The following MSRA variants were observed in gnomAD, a reference collection of about 807,000 sequenced individuals.
MSRA encodes the protein mitochondrial peptide methionine sulfoxide reductase.
Under a neutral mutation model 31.3 loss-of-function variants are expected in MSRA, and 54 were observed. The ratio of observed to expected loss-of-function variants is 1.73; its 90% CI spans 1.39 to 2.17. The LOEUF is 2.17. Ranked by LOEUF, MSRA falls within the 30% of genes most tolerant of loss-of-function variation. The pLI is 0.00. For synonymous variants in MSRA, 169 were observed against 116.5 expected (o/e 1.45, Z -2.90); for missense variants, 507 against 300.9 (o/e 1.69, Z -5.07).
chr8:10,082,075 G>A (rs1798324278), intron 1 of MSRA, among the ~76,000 whole-genome samples: 1 of 152,014 alleles, frequency 6.6e-6, no homozygotes, highest in Non-Finnish European at 1.5e-5. Flanking sequence ...GTGTGGTGGT[G>A]TGCACCCGTA....
intron 5 of MSRA, among the ~76,000 whole-genome samples, chr8:10,406,506 G>T (rs1807826284): frequency 6.6e-6 from 1 of 152,142 alleles, no homozygotes; most frequent in Non-Finnish European, 1.5e-5. Context: ...TGGGTGTTGG[G>T]GATGTTCAAG....
chr8:10,150,512 C>G (rs1449744369), intron 1 of MSRA, among the ~76,000 whole-genome samples: 1 of 152,060 alleles, frequency 6.6e-6, no homozygotes, highest in Non-Finnish European at 1.5e-5. Flanking sequence ...AAAATGCAAC[C>G]ATGTAATCAA....
intron 1 of MSRA, among the ~76,000 whole-genome samples, chr8:10,065,042 C>A (rs1237223810): frequency 6.6e-6 from 1 of 152,074 alleles, no homozygotes; most frequent in East Asian, 1.9e-4. Flanking sequence ...TTGCTGAAAA[C>A]TCCATTGCCT....
intron 3 of MSRA, among the ~76,000 whole-genome samples, chr8:10,260,904 T>C (rs1417977431): frequency 6.6e-6 from 1 of 152,228 alleles, no homozygotes; most frequent in Non-Finnish European, 1.5e-5. Flanking sequence ...ATTTGATAGA[T>C]ATTCAAAATA....
At chr8:10,401,943 G>A (rs547338905) in intron 5 of MSRA, among the ~76,000 whole-genome samples, 33 of 152,222 alleles carry the variant, frequency 2.2e-4, no homozygotes, top group Middle Eastern at 6.8e-3. Flanking sequence ...AATTTCTGTC[G>A]GATGATGACA....
chr8:10,357,545 T>A (rs891845690), intron 5 of MSRA, among the ~76,000 whole-genome samples: 1 of 152,220 alleles, frequency 6.6e-6, no homozygotes, highest in Non-Finnish European at 1.5e-5. Flanking sequence ...TCCTTCACAT[T>A]GGCTCTGGGG....
intron 1 of MSRA, among the ~76,000 whole-genome samples, chr8:10,143,595 T>C (rs1384307609): frequency 6.6e-6 from 1 of 152,166 alleles, no homozygotes; most frequent in African/African-American, 2.4e-5. Context: ...TCGCTCCCTG[T>C]CATTTTCCCC....
chr8:10,154,240 G>A (rs906558062), intron 1 of MSRA, among the ~76,000 whole-genome samples: 17 of 151,982 alleles, frequency 1.1e-4, no homozygotes, highest in African/African-American at 3.4e-4. Flanking sequence ...CGGAAGAGTA[G>A]CCATCAAAAA....
intron 5 of MSRA, among the ~76,000 whole-genome samples, chr8:10,348,841 G>T (rs533080194): frequency 7.2e-4 from 110 of 152,294 alleles, no homozygotes; most frequent in Middle Eastern, 3.4e-3. Context: ...AGAAGGCTTG[G>T]GGGGGACAAG....
chr8:10,408,620 T>G (rs1338779181), intron 5 of MSRA, among the ~76,000 whole-genome samples: 1 of 152,230 alleles, frequency 6.6e-6, no homozygotes, highest in Non-Finnish European at 1.5e-5. Flanking sequence ...GGGGCACAAG[T>G]ACAGTTCTGT....
intron 2 of MSRA, among the ~76,000 whole-genome samples, chr8:10,217,808 CT>C (rs1289784430): frequency 7.9e-5 from 12 of 151,618 alleles, no homozygotes; most frequent in African/African-American, 2.9e-4. Flanking sequence ...TCCATTTCCC[CT>C]GTTGCCTCAT....
In MSRA at chr8:10,054,367, C is replaced by T. The variant is rs1158830706; in HGVS notation, c.-150C>T. The T allele has an allele frequency of 1.3e-6, 1 of 759,462 alleles. No homozygotes were observed. Among genetic ancestry groups the T allele is most frequent in the Non-Finnish European group, 1.8e-6 (1 of 556,320 alleles). The allele number at this position is 759,462 out of a possible 1,614,324, so 47.0% of individuals were successfully genotyped here. Reference sequence around the variant, plus strand: ...GGGCAACCTCGATTACGGGCGGCCTCCAGCCCCGCCAGCAGCGCCCCGCGC... The same window carrying T: ...GGGCAACCTCGATTACGGGCGGCCTTCAGCCCCGCCAGCAGCGCCCCGCGC... On this transcript the variant is annotated 5_prime_UTR_variant, in exon 1 of 6. Coordinates refer to ENST00000317173, the MANE Select transcript of MSRA (RefSeq NM_012331.5).
At chr8:10,372,295 C>G (rs1406169482) in intron 5 of MSRA, among the ~76,000 whole-genome samples, 1 of 152,174 alleles carries the variant, frequency 6.6e-6, no homozygotes, top group Non-Finnish European at 1.5e-5. Context: ...AATCACAGGC[C>G]TCATTGAGCG....
intron 2 of MSRA, among the ~76,000 whole-genome samples, chr8:10,217,314 A>G (rs1563229895): frequency 1.3e-5 from 2 of 152,230 alleles, no homozygotes; most frequent in Non-Finnish European, 2.9e-5. Context: ...TGTTTGCCAC[A>G]CTGCTCTTCT....
intron 3 of MSRA, among the ~76,000 whole-genome samples, chr8:10,291,372 A>G (rs1800225918): frequency 6.6e-6 from 1 of 152,178 alleles, no homozygotes; most frequent in East Asian, 1.9e-4. Context: ...TGCTTTTTAA[A>G]GCTTATGTTT....
chr8:10,304,702 C>T (rs944060661), intron 4 of MSRA, among the ~76,000 whole-genome samples: 5 of 152,194 alleles, frequency 3.3e-5, no homozygotes, highest in African/African-American at 9.7e-5. Context: ...CTTGAGGTCA[C>T]ATGGCAACCT....
intron 1 of MSRA, among the ~76,000 whole-genome samples, chr8:10,091,827 G>C (rs907789967): frequency 2.0e-5 from 3 of 152,026 alleles, no homozygotes; most frequent in African/African-American, 7.2e-5. Context: ...GGCTGGTCTC[G>C]AACTCTTGTC....
chr8:10,415,457 G>A (rs1290133209), intron 5 of MSRA, among the ~76,000 whole-genome samples: 3 of 152,170 alleles, frequency 2.0e-5, no homozygotes, highest in African/African-American at 7.2e-5. Context: ...GGTTCCTTCA[G>A]TCTCCTGAAG....
chr8:10,301,505 T>G, intron 3 of MSRA, 29 bp from the exon 4 acceptor site: 1 of 1,566,410 alleles, frequency 6.4e-7, no homozygotes, highest in Non-Finnish European at 8.7e-7. Flanking sequence ...TGTCAGTAAA[T>G]TTCGGTTGTA....
Sources: gnomAD v4.1 joint callset for allele counts (sites outside exome capture counted in the v4.1 genomes callset) on GRCh38, gnomAD v4.1.1 for gene constraint, MANE v1.5 for transcripts, NCBI Gene and HGNC (gene_info 2026-07-23, HGNC 2026-07-21) for gene names.